Variants in ENOX1 observed in about 807,000 individuals in gnomAD.
The protein encoded by ENOX1 is candidate growth-related and time keeping constitutive hydroquinone (NADH) oxidase.
Under a neutral mutation model 82.5 loss-of-function variants are expected in ENOX1, and 42 were observed. The ratio of observed to expected loss-of-function variants is 0.51; its 90% CI spans 0.40 to 0.66. The LOEUF is 0.66. Among genes scored for constraint, ENOX1 ranks in the 30% least tolerant of loss-of-function variants. ENOX1 has a pLI of 0.00. For missense variants in ENOX1, 608 were observed against 811.6 expected, an observed-to-expected ratio of 0.75 and a Z score of 3.05; for synonymous variants, 271 against 282.2, an observed-to-expected ratio of 0.96 and a Z score of 0.40.
chr13:43,394,923 G>C (rs2053045951), intron 5 of ENOX1: 1 of 151,982 alleles, frequency 6.6e-6, no homozygotes, highest in African/African-American at 2.4e-5. Context: ...AAGATTAGCA[G>C]ATAGATTTCT....
At chr13:43,297,099 A>G (rs1446073415) in intron 12 of ENOX1, among the ~76,000 whole-genome samples, 1 of 152,222 alleles carries the variant, frequency 6.6e-6, no homozygotes, top group Non-Finnish European at 1.5e-5. Flanking sequence ...GTGAACATCA[A>G]CCAGTTAGGA....
intron 3 of ENOX1, among the ~76,000 whole-genome samples, chr13:43,469,918 A>G (rs1452648730): frequency 2.6e-5 from 4 of 151,932 alleles, no homozygotes; most frequent in South Asian, 2.1e-4. Flanking sequence ...ACACTGATAT[A>G]TAAAGAGCTA....
At chr13:43,276,124 G>T (rs1055891984) in intron 12 of ENOX1, among the ~76,000 whole-genome samples, 1 of 152,116 alleles carries the variant, frequency 6.6e-6, no homozygotes, top group Non-Finnish European at 1.5e-5. Context: ...TAAATCAGAT[G>T]TCCTACTCAG....
intron 1 of ENOX1, among the ~76,000 whole-genome samples, chr13:43,721,624 C>A (rs1461197492): frequency 1.3e-5 from 2 of 151,846 alleles, no homozygotes; most frequent in Non-Finnish European, 2.9e-5. Context: ...GTGATCCGCC[C>A]GCCTCAGCCT....
At chr13:43,330,842 C>G (rs2048372052) in intron 9 of ENOX1, among the ~76,000 whole-genome samples, 1 of 152,222 alleles carries the variant, frequency 6.6e-6, no homozygotes, top group Admixed American at 6.5e-5. Context: ...ATACACGCAC[C>G]TAGCATACAC....
intron 2 of ENOX1, among the ~76,000 whole-genome samples, chr13:43,580,518 T>C (rs1367546467): frequency 6.6e-6 from 1 of 152,218 alleles, no homozygotes; most frequent in Admixed American, 6.5e-5. Flanking sequence ...TACACACTTA[T>C]TCTTCTTTCT....
chr13:43,492,265 T>A (rs2076645381), intron 2 of ENOX1, among the ~76,000 whole-genome samples: 1 of 152,214 alleles, frequency 6.6e-6, no homozygotes, highest in African/African-American at 2.4e-5. Context: ...TGAGCAGAGA[T>A]GCTGTAGATG....
intron 2 of ENOX1, among the ~76,000 whole-genome samples, chr13:43,653,631 T>C (rs1025679117): frequency 1.3e-5 from 2 of 152,160 alleles, no homozygotes; most frequent in Admixed American, 1.3e-4. Flanking sequence ...AATTCTAACA[T>C]TAAAATTCTT....
intron 5 of ENOX1, among the ~76,000 whole-genome samples, chr13:43,385,652 T>G (rs2052363265): frequency 6.6e-6 from 1 of 152,180 alleles, no homozygotes; most frequent in East Asian, 1.9e-4. Context: ...ATTTTGCCAT[T>G]TTTTCTTCAC....
chr13:43,750,966 C>T (rs1041793901), intron 1 of ENOX1, among the ~76,000 whole-genome samples: 5 of 152,158 alleles, frequency 3.3e-5, no homozygotes, highest in Non-Finnish European at 7.3e-5. Flanking sequence ...GATTAGACAC[C>T]TTCAGTGGCT....
intron 2 of ENOX1, among the ~76,000 whole-genome samples, chr13:43,594,522 G>C (rs2153727332): frequency 6.6e-6 from 1 of 152,316 alleles, no homozygotes; most frequent in Non-Finnish European, 1.5e-5. Context: ...AGGGGCTGAG[G>C]CTGACATGGA....
chr13:43,436,428 T>C (rs2056033022), intron 3 of ENOX1, among the ~76,000 whole-genome samples: 1 of 152,180 alleles, frequency 6.6e-6, no homozygotes, highest in Non-Finnish European at 1.5e-5. Flanking sequence ...TAGAAAGTAA[T>C]CTCAGAATTC....
At position 43,736,094 on chromosome 13, in the gene ENOX1, G is replaced by A. The variant is rs145484111; in HGVS notation, c.-285+50558C>T. Among the ~76,000 whole-genome samples the A allele has an allele frequency of 6.4e-3, 971 of 152,144 alleles. 6 individuals carry two copies. The highest frequency in any genetic ancestry group is 0.012 in the African/African-American group (491 of 41,508). ...AGTCAGCTTGGTTGCAGGGAACATC[G>A]TTTAATGTACCTTATTGATTCAATC... On this transcript the variant is annotated intron_variant, in intron 1 of 16. Transcript: ENST00000690772.
intron 2 of ENOX1, among the ~76,000 whole-genome samples, chr13:43,646,864 G>A (rs775723143): frequency 3.3e-5 from 5 of 152,060 alleles, no homozygotes; most frequent in South Asian, 2.1e-4. Flanking sequence ...CTCAATAATC[G>A]TTTTATCCTT....
chr13:43,341,189 C>T lies in ENOX1; in HGVS notation c.1036+3349G>A, dbSNP rs1398006696. 6.6e-5 allele frequency among the ~76,000 whole-genome samples: 10 copies of T among 151,728 alleles called. No individual in the cohort carries two copies. In the East Asian group the frequency reaches 1.7e-3, roughly 27 times the overall value. On this transcript the variant is annotated intron_variant, in intron 9 of 16. Transcript: ENST00000690772. ...GCGGGCGCCTGTAGTCCCAGCTACT[C>T]GGGAGGCTGAGGCAGGAGAATCATT...
At chr13:43,415,186 C>CTTGTGACA (rs1314748689) in intron 3 of ENOX1, among the ~76,000 whole-genome samples, 1 of 136,736 alleles carries the variant, frequency 7.3e-6, no homozygotes, top group African/African-American at 2.7e-5. Flanking sequence ...CAATGAAACT[C>CTTGTGACA]TTGTGACATT....
At chr13:43,353,156 A>G (rs974619975) in intron 8 of ENOX1, among the ~76,000 whole-genome samples, 1 of 152,196 alleles carries the variant, frequency 6.6e-6, no homozygotes, top group Non-Finnish European at 1.5e-5. Flanking sequence ...GCCCAGTAGA[A>G]CCACTGGACA....
chr13:43,314,901 T>C (rs17632021), intron 11 of ENOX1, among the ~76,000 whole-genome samples: 15,343 of 152,218 alleles, frequency 0.1, 922 homozygotes, highest in Middle Eastern at 0.15. Context: ...TTTAGCTTCA[T>C]CTCTCAAAGG....
chr13:43,264,179 C>CT (rs1209967495), intron 14 of ENOX1, among the ~76,000 whole-genome samples: 1 of 152,176 alleles, frequency 6.6e-6, no homozygotes, highest in Admixed American at 6.5e-5. Flanking sequence ...CTTTGCCATT[C>CT]TTTTTACAAG....
Sources: gnomAD v4.1 joint callset for allele counts (sites outside exome capture counted in the v4.1 genomes callset) on GRCh38, gnomAD v4.1.1 for gene constraint, MANE v1.5 for transcripts, NCBI Gene and HGNC (gene_info 2026-07-23, HGNC 2026-07-21) for gene names.